Variants in UPRT observed in about 807,000 individuals in gnomAD.
UPRT encodes uracil phosphoribosyltransferase homolog, also known as RP11-311P8.3.
A neutral mutation model predicts 22.6 loss-of-function variants in UPRT; 5 were observed. That is an observed-to-expected ratio of 0.22 (90% CI 0.12 to 0.47). The LOEUF (loss-of-function observed/expected upper bound fraction) is 0.47, where lower values mean the gene tolerates loss of function less well. Ranked by LOEUF, UPRT falls within the 20% of genes least tolerant of loss-of-function variation. The probability of loss-of-function intolerance (pLI) is 0.99; values close to 1 mark genes in which losing one functional copy is unlikely to be tolerated. For synonymous variants in UPRT, 77 were observed against 87.7 expected (o/e 0.88, Z 0.68); for missense variants, 181 against 239.9 (o/e 0.75, Z 1.62).
intron 4 of UPRT, among the ~76,000 whole-genome samples, chrX:75,178,905 T>A (rs777282709): frequency 8.9e-6 from 1 of 112,024 alleles, no homozygotes; most frequent in Non-Finnish European, 1.9e-5. Context: ...TATTCTCTTA[T>A]CTGGCCTCAC....
At chrX:75,284,869 A>G (rs1450697385) in intron 1 of UPRT, among the ~76,000 whole-genome samples, 1 of 111,502 alleles carries the variant, frequency 9.0e-6, no homozygotes, top group Non-Finnish European at 1.9e-5. Flanking sequence ...TCCTAAGATT[A>G]TATGCCCTTT....
chrX:75,301,030 T>C, intron 6 of UPRT, 65 bp downstream of exon 6: 1 of 795,250 alleles, frequency 1.3e-6, no homozygotes, highest in Non-Finnish European at 1.8e-6. Flanking sequence ...GTATGCATTT[T>C]CTAGCTTCTA....
chrX:75,288,325 A>G (rs1239739350), intron 1 of UPRT, among the ~76,000 whole-genome samples: 4 of 111,720 alleles, frequency 3.6e-5, no homozygotes, highest in Admixed American at 2.9e-4. Flanking sequence ...AACTCATTCT[A>G]TGAATCCGAT....
intron 4 of UPRT, among the ~76,000 whole-genome samples, chrX:75,230,778 T>G (rs1191538654): frequency 2.7e-5 from 3 of 111,613 alleles, no homozygotes; most frequent in Non-Finnish European, 5.6e-5. Context: ...ATCCCAGGAC[T>G]CTTTGCAGAC....
At chrX:75,222,500 A>C (rs1218644890) in intron 4 of UPRT, among the ~76,000 whole-genome samples, 1 of 111,636 alleles carries the variant, frequency 9.0e-6, no homozygotes, top group East Asian at 2.8e-4. Context: ...AAGCCTTAGA[A>C]ATCTGCCATG....
At chrX:75,287,330 T>G (rs2082686277) in intron 1 of UPRT, among the ~76,000 whole-genome samples, 1 of 111,615 alleles carries the variant, frequency 9.0e-6, no homozygotes, top group African/African-American at 3.2e-5. Context: ...TGAGGCTTAG[T>G]AAGAAGATGG....
At chrX:75,193,478 T>TTC (rs1361197879) in intron 4 of UPRT, among the ~76,000 whole-genome samples, 1 of 111,807 alleles carries the variant, frequency 8.9e-6, no homozygotes, top group Non-Finnish European at 1.9e-5. Flanking sequence ...TTTGCAGGGC[T>TTC]TCTCTGCATT....
Position 75,293,453 on chromosome X carries a change from T to C in UPRT, c.387-19T>C. On this transcript the variant is annotated intron_variant, in intron 1 of 6. Transcript: ENST00000373383. ...TTAAAGCTCTAATTTAGACTAAAAC[T>C]TGTATTATCTTTTTTTAGGACAGCC... 8.3e-7 allele frequency: 1 copy of C among 1,199,664 alleles called. No homozygotes were observed. Among genetic ancestry groups the C allele is most frequent in the South Asian group, 1.8e-5 (1 of 54,591 alleles).
At position 75,178,658 on chromosome X, in the gene UPRT, A is replaced by G. The variant is rs777084547; in HGVS notation, c.-447+10779A>G. Among the ~76,000 whole-genome samples, 3 of 109,542 alleles carry G rather than the reference A, an allele frequency of 2.7e-5. No individual in the cohort carries two copies. In the South Asian group the frequency reaches 1.3e-3, roughly 46 times the overall value. On this transcript the variant is annotated intron_variant, in intron 4 of 13. Transcript: ENST00000652605. Reference sequence around the variant, plus strand: ...GCTGCAGACCTTCATGGTGAGTGTTACAGCTCTTAAGGCAGCGCATTTGGA... The same window carrying G: ...GCTGCAGACCTTCATGGTGAGTGTTGCAGCTCTTAAGGCAGCGCATTTGGA...
chrX:75,275,786 T>C (rs945777629), intron 1 of UPRT, among the ~76,000 whole-genome samples: 1 of 111,414 alleles, frequency 9.0e-6, no homozygotes, highest in African/African-American at 3.3e-5. Flanking sequence ...CACAGCTTAC[T>C]GTACCCTCAT....
At chrX:75,189,631 G>T (rs750076721) in intron 4 of UPRT, among the ~76,000 whole-genome samples, 23 of 111,714 alleles carry the variant, frequency 2.1e-4, no homozygotes, top group Non-Finnish European at 3.8e-4. Context: ...CTCTTTACAT[G>T]TCTCTAAGGA....
chrX:75,205,376 T>C (rs2082362036), intron 4 of UPRT, among the ~76,000 whole-genome samples: 1 of 59,365 alleles, frequency 1.7e-5, no homozygotes, highest in Non-Finnish European at 2.7e-5. Context: ...AGAGCGAGAC[T>C]CCGTCTCAAA....
At chrX:75,209,938 C>T (rs1441570908) in intron 4 of UPRT, among the ~76,000 whole-genome samples, 2 of 112,122 alleles carry the variant, frequency 1.8e-5, no homozygotes, top group African/African-American at 3.2e-5. Flanking sequence ...TTGATTAAGT[C>T]TCTTTGGGAG....
At chrX:75,250,864 T>C (rs1471464265) in intron 4 of UPRT, among the ~76,000 whole-genome samples, 2 of 111,941 alleles carry the variant, frequency 1.8e-5, no homozygotes, top group Non-Finnish European at 3.8e-5. Context: ...TTATCCACCA[T>C]GATCAAGTGG....
At chrX:75,278,973 C>T (rs890078190) in intron 1 of UPRT, among the ~76,000 whole-genome samples, 4 of 111,560 alleles carry the variant, frequency 3.6e-5, no homozygotes, top group African/African-American at 1.3e-4. Flanking sequence ...AAGCTGTGTG[C>T]ATCAGAATTG....
chrX:75,205,383 CAAAAAAAAAAAAAA>C (rs55819232), intron 4 of UPRT, among the ~76,000 whole-genome samples: 3 of 38,147 alleles, frequency 7.9e-5, no homozygotes, highest in African/African-American at 2.6e-4. Flanking sequence ...GACTCCGTCT[CAAAAAAAAAAAAAA>C]AAAAAAAAAA....
At chrX:75,303,379 C>G (rs761443638) in intron 6 of UPRT, 26 bp from the exon 7 acceptor site, 1 of 1,134,998 alleles carries the variant, frequency 8.8e-7, no homozygotes, top group Admixed American at 2.3e-5. Flanking sequence ...AAACATCCTA[C>G]CATAATAACT....
chrX:75,274,894 G>A (rs1273419380), intron 1 of UPRT: 1 of 355,390 alleles, frequency 2.8e-6, no homozygotes, highest in Admixed American at 5.1e-5. Flanking sequence ...GAAGACTTTA[G>A]GTAGCCTCTG....
chrX:75,261,744 C>A (rs947434477), intron 4 of UPRT, among the ~76,000 whole-genome samples: 3 of 111,732 alleles, frequency 2.7e-5, no homozygotes, highest in African/African-American at 9.8e-5. Flanking sequence ...AGCAACATCC[C>A]TGATGAACAT....
Sources: allele counts gnomAD v4.1 joint callset (sites outside exome capture counted in the v4.1 genomes callset), GRCh38; gene constraint gnomAD v4.1.1; transcripts MANE v1.5; gene names NCBI Gene and HGNC (gene_info 2026-07-23, HGNC 2026-07-21).